Variants in SYT14 observed in about 807,000 individuals in gnomAD.
SYT14 encodes the protein synaptotagmin 14.
SYT14 carries 32 observed loss-of-function variants against 74.2 expected under a neutral mutation model. The observed-to-expected ratio is 0.43, with a 90% CI of 0.33 to 0.58. SYT14 has a LOEUF of 0.58. SYT14 is among the 20% of genes least tolerant of loss of function. SYT14 has a pLI of 0.05. For synonymous variants in SYT14, 298 were observed against 337.7 expected, an observed-to-expected ratio of 0.88 and a Z score of 1.29; for missense variants, 791 against 981.8, an observed-to-expected ratio of 0.81 and a Z score of 2.60.
At chr1:210,015,180 G>A (rs922591823) in intron 3 of SYT14, among the ~76,000 whole-genome samples, 24 of 152,072 alleles carry the variant, frequency 1.6e-4, no homozygotes, top group African/African-American at 5.1e-4. Flanking sequence ...TTAATGACTA[G>A]CATAATGGAA....
chr1:209,971,954 C>T (rs1359685017), intron 2 of SYT14, among the ~76,000 whole-genome samples: 1 of 152,022 alleles, frequency 6.6e-6, no homozygotes, highest in African/African-American at 2.4e-5. Context: ...ACATTCAGTA[C>T]GATTGGCACC....
At chr1:210,084,906 G>T (rs936890505) in intron 5 of SYT14, among the ~76,000 whole-genome samples, 4 of 152,190 alleles carry the variant, frequency 2.6e-5, no homozygotes, top group Non-Finnish European at 5.9e-5. Context: ...TGTCAAACCT[G>T]CAATTCTCTA....
intron 7 of SYT14, among the ~76,000 whole-genome samples, chr1:210,118,323 ATTAT>A (rs1358151693): frequency 6.6e-6 from 1 of 152,192 alleles, no homozygotes; most frequent in East Asian, 1.9e-4. Flanking sequence ...TATTTCAAAA[ATTAT>A]TTCTTTGGGG....
intron 2 of SYT14, among the ~76,000 whole-genome samples, chr1:209,992,744 C>T (rs2079716313): frequency 6.6e-6 from 1 of 152,074 alleles, no homozygotes; most frequent in Non-Finnish European, 1.5e-5. Context: ...GACAAGATGG[C>T]CTACTAGACA....
chr1:210,161,610 G>T (rs761600688), exon 10 of SYT14: 18 of 453,940 alleles, frequency 4.0e-5, no homozygotes, highest in African/African-American at 6.0e-5. Context: ...TTGTGCCTCA[G>T]TTCCTCTCAA....
At chr1:209,961,297 G>A (rs996853229) in intron 2 of SYT14, among the ~76,000 whole-genome samples, 1 of 152,092 alleles carries the variant, frequency 6.6e-6, no homozygotes, top group African/African-American at 2.4e-5. Flanking sequence ...TGGGGGCTGG[G>A]ATAGGTACAG....
At chr1:210,048,361 A>G (rs563575206) in intron 5 of SYT14, among the ~76,000 whole-genome samples, 2 of 152,300 alleles carry the variant, frequency 1.3e-5, no homozygotes, top group South Asian at 2.1e-4. Context: ...TACAAAAGAA[A>G]GGTTTATTGG....
chr1:209,966,119 C>G, intron 2 of SYT14: 2 of 345,190 alleles, frequency 5.8e-6, no homozygotes, highest in South Asian at 4.5e-5. Context: ...ATCTGCCTGC[C>G]TCAACCTCGC....
At chr1:209,994,003 C>G (rs2079741216) in intron 2 of SYT14, among the ~76,000 whole-genome samples, 1 of 152,176 alleles carries the variant, frequency 6.6e-6, no homozygotes, top group African/African-American at 2.4e-5. Context: ...AGAATTGAAG[C>G]TAACTGACTA....
chr1:209,990,558 T>TATACGTATATATATAC (rs1553262372), intron 2 of SYT14, among the ~76,000 whole-genome samples: 4 of 77,630 alleles, frequency 5.2e-5, no homozygotes, highest in Admixed American at 1.4e-4. Context: ...TGTATATATA[T>TATACGTATATATATAC]ACGTATATAT....
chr1:209,980,329 T>G (rs532608836), intron 2 of SYT14, among the ~76,000 whole-genome samples: 134 of 152,332 alleles, frequency 8.8e-4, no homozygotes, highest in African/African-American at 3.2e-3. Flanking sequence ...TTAAGTTCCT[T>G]GTAGATGCTA....
intron 7 of SYT14, among the ~76,000 whole-genome samples, chr1:210,111,341 A>G (rs1021374808): frequency 2.0e-5 from 3 of 152,032 alleles, no homozygotes; most frequent in Non-Finnish European, 2.9e-5. Context: ...GGAATTTCAC[A>G]AGGTAATGTC....
intron 5 of SYT14, among the ~76,000 whole-genome samples, chr1:210,086,934 AT>A (rs1204635588): frequency 6.6e-6 from 1 of 152,122 alleles, no homozygotes; most frequent in Non-Finnish European, 1.5e-5. Flanking sequence ...AACCTTAAAT[AT>A]ATTTATTATT....
intron 1 of SYT14, among the ~76,000 whole-genome samples, chr1:209,938,831 T>C (rs1230346433): frequency 6.6e-6 from 1 of 152,092 alleles, no homozygotes; most frequent in Non-Finnish European, 1.5e-5. Flanking sequence ...TGTTTGCTGT[T>C]GTAGGGGGTC....
rs990891310 is a variant in SYT14 at position 210,021,357 on chromosome 1, A to T, written c.1312+103A>T. ...GTGGTTGCAGAATAAACAAGAGAGC[A>T]CATACAGTACAGTCACATTTCTGGG... On this transcript the variant is annotated intron_variant, in intron 5 of 9. Transcript: ENST00000637265. 5.3e-5 allele frequency: 54 copies of T among 1,025,628 alleles called. 1 individual carries two copies. In the South Asian group the frequency reaches 7.2e-4, roughly 14 times the overall value. The allele number at this position is 1,025,628 out of a possible 1,614,324, so 63.5% of individuals were successfully genotyped here. A position where few individuals can be genotyped will look rare whatever the true frequency, so the allele number is the denominator to read the frequency against.
intron 8 of SYT14, 108 bp from the exon 8 acceptor site, chr1:210,159,313 C>T (rs2083328738): frequency 9.3e-7 from 1 of 1,071,366 alleles, no homozygotes. Context: ...TGTTCTTCCA[C>T]TCCAGTGAAC....
intron 5 of SYT14, among the ~76,000 whole-genome samples, chr1:210,092,517 T>G (rs929316558): frequency 1.6e-4 from 25 of 152,224 alleles, no homozygotes; most frequent in African/African-American, 6.0e-4. Context: ...CAAGTCAGTC[T>G]GCCAGCGGTG....
At chr1:210,134,256 C>CCA (rs1327343919) in intron 7 of SYT14, among the ~76,000 whole-genome samples, 1 of 151,860 alleles carries the variant, frequency 6.6e-6, no homozygotes, top group African/African-American at 2.4e-5. Flanking sequence ...GTGCATGCCA[C>CCA]CACACCTGGC....
intron 5 of SYT14, among the ~76,000 whole-genome samples, chr1:210,052,746 A>T (rs910947040): frequency 6.6e-6 from 1 of 151,450 alleles, no homozygotes; most frequent in Non-Finnish European, 1.5e-5. Flanking sequence ...AAGAGTTGAC[A>T]GGCAGAAAAC....
Sources: allele counts gnomAD v4.1 joint callset (sites outside exome capture counted in the v4.1 genomes callset), GRCh38; gene constraint gnomAD v4.1.1; transcripts MANE v1.5; gene names NCBI Gene and HGNC (gene_info 2026-07-23, HGNC 2026-07-21).